The following STXBP5 variants were observed in gnomAD, a reference collection of about 807,000 sequenced individuals.
STXBP5 encodes syntaxin binding protein 5.
In STXBP5, 50 loss-of-function variants were observed where a neutral mutation model predicts 152.4. The observed-to-expected ratio is 0.33, with a 90% CI of 0.26 to 0.42. STXBP5 has a LOEUF of 0.42. Ranked by LOEUF, STXBP5 falls within the 10% of genes least tolerant of loss-of-function variation. The pLI is 1.00. For missense variants in STXBP5, 1,167 were observed against 1,388.6 expected (o/e 0.84, Z 2.54); for synonymous variants, 492 against 494.7 (o/e 0.99, Z 0.07).
chr6:147,304,097 T>C (rs1395471593), intron 9 of STXBP5, among the ~76,000 whole-genome samples: 2 of 152,210 alleles, frequency 1.3e-5, no homozygotes, highest in African/African-American at 4.8e-5. Flanking sequence ...AGCTGAATGT[T>C]AATCAACAAG....
intron 6 of STXBP5, among the ~76,000 whole-genome samples, chr6:147,266,157 T>C (rs1779881971): frequency 6.6e-6 from 1 of 152,082 alleles, no homozygotes; most frequent in African/African-American, 2.4e-5. Flanking sequence ...TGAGTGGCCA[T>C]GGTATGGTAA....
intron 9 of STXBP5, 61 bp from the exon 10 acceptor site, chr6:147,310,023 T>C: frequency 2.6e-6 from 3 of 1,162,432 alleles, no homozygotes; most frequent in Non-Finnish European, 3.5e-6. Context: ...AAAATTATGA[T>C]GTAGCAAGAA....
intron 4 of STXBP5, among the ~76,000 whole-genome samples, chr6:147,253,148 G>A (rs1221555504): frequency 1.3e-5 from 2 of 152,084 alleles, no homozygotes; most frequent in African/African-American, 2.4e-5. Flanking sequence ...ATGCAAGGCC[G>A]ATTCAACATA....
intron 11 of STXBP5, 112 bp downstream of exon 11, chr6:147,311,639 A>C: frequency 1.3e-6 from 1 of 752,904 alleles, no homozygotes; most frequent in South Asian, 1.9e-5. Context: ...TTATATCCAT[A>C]ACCTTGACCT....
intron 2 of STXBP5, among the ~76,000 whole-genome samples, chr6:147,224,330 C>T (rs1461513428): frequency 6.6e-6 from 1 of 152,146 alleles, no homozygotes; most frequent in Non-Finnish European, 1.5e-5. Flanking sequence ...GAGGCTGAGG[C>T]ACTAGAATCA....
chr6:147,241,321 G>T (rs1382557432), intron 4 of STXBP5, among the ~76,000 whole-genome samples: 1 of 152,018 alleles, frequency 6.6e-6, no homozygotes, highest in African/African-American at 2.4e-5. Flanking sequence ...ACATAATAAG[G>T]TTCACTATTT....
chr6:147,359,795 A>AT, intron 23 of STXBP5, among the ~76,000 whole-genome samples: 1 of 151,996 alleles, frequency 6.6e-6, no homozygotes, highest in South Asian at 2.1e-4. Flanking sequence ...TGAACTCATC[A>AT]TTTTTTATGG....
chr6:147,210,851 A>G (rs1421313834), intron 2 of STXBP5, among the ~76,000 whole-genome samples: 1 of 152,192 alleles, frequency 6.6e-6, no homozygotes, highest in Non-Finnish European at 1.5e-5. Context: ...TATTATTAAT[A>G]TGAGAGTTTT....
At chr6:147,211,214 C>G (rs898217574) in intron 2 of STXBP5, among the ~76,000 whole-genome samples, 1 of 150,740 alleles carries the variant, frequency 6.6e-6, no homozygotes, top group Non-Finnish European at 1.5e-5. Flanking sequence ...GAGGCTGAGG[C>G]AGGAGAATCG....
intron 18 of STXBP5, among the ~76,000 whole-genome samples, chr6:147,331,254 G>T (rs974234370): frequency 6.6e-6 from 1 of 152,174 alleles, no homozygotes; most frequent in Admixed American, 6.5e-5. Flanking sequence ...TTTGATGGCA[G>T]AGTAACAACT....
At chr6:147,269,625 G>A (rs1245188364) in intron 7 of STXBP5, among the ~76,000 whole-genome samples, 1 of 151,998 alleles carries the variant, frequency 6.6e-6, no homozygotes, top group Non-Finnish European at 1.5e-5. Flanking sequence ...TGCTTAAGAA[G>A]GTAGATGAAA....
In STXBP5 at chr6:147,384,790, A is replaced by C; in HGVS notation, c.*35A>C. ...TCCAATAAGTCCAACTTCAGCCAGA[A>C]GGAAAAAAGTTTTCCATTTTTATTA... On this transcript the variant is annotated 3_prime_UTR_variant, in exon 28 of 28. Coordinates refer to ENST00000321680, the MANE Select transcript of STXBP5 (RefSeq NM_001127715.4). The C allele has an allele frequency of 6.3e-7, 1 of 1,596,764 alleles. No individual in the cohort carries two copies.
At chr6:147,273,400 A>G (rs939723387) in intron 7 of STXBP5, among the ~76,000 whole-genome samples, 1 of 152,088 alleles carries the variant, frequency 6.6e-6, no homozygotes, top group Admixed American at 6.6e-5. Context: ...TGTAGTAATC[A>G]GTGTGGCAGG....
At chr6:147,337,751 A>C (rs760091285) in intron 19 of STXBP5, among the ~76,000 whole-genome samples, 1 of 152,030 alleles carries the variant, frequency 6.6e-6, no homozygotes, top group East Asian at 1.9e-4. Context: ...AAAAACAACT[A>C]TATGTATTTC....
chr6:147,241,705 T>A (rs1337210073), intron 4 of STXBP5, among the ~76,000 whole-genome samples: 3 of 151,802 alleles, frequency 2.0e-5, no homozygotes, highest in African/African-American at 7.2e-5. Context: ...AGATTAGGGA[T>A]GTTATAGCTG....
At chr6:147,243,340 T>C (rs930111883) in intron 4 of STXBP5, among the ~76,000 whole-genome samples, 7 of 152,224 alleles carry the variant, frequency 4.6e-5, no homozygotes, top group African/African-American at 1.7e-4. Flanking sequence ...TAGTGACACA[T>C]GATATGGGTT....
chr6:147,209,187 G>A (rs1776725501), intron 2 of STXBP5, among the ~76,000 whole-genome samples: 1 of 152,046 alleles, frequency 6.6e-6, no homozygotes, highest in Non-Finnish European at 1.5e-5. Flanking sequence ...GCAGAAAAAT[G>A]GAATTTCAGG....
chr6:147,339,051 T>A (rs1783970094), intron 19 of STXBP5, 128 bp from the exon 20 acceptor site: 1 of 746,616 alleles, frequency 1.3e-6, no homozygotes, highest in Non-Finnish European at 2.2e-6. Context: ...TGGCCTCTTC[T>A]TGTGGTCACT....
At chr6:147,302,230 ACC>A (rs201524026) in intron 9 of STXBP5, among the ~76,000 whole-genome samples, 5,376 of 152,148 alleles carry the variant, frequency 0.035, 147 homozygotes, top group Admixed American at 0.054. Flanking sequence ...CCAGTTCCGA[ACC>A]CTTTAGAGTC....
Sources: gnomAD v4.1 joint callset for allele counts (sites outside exome capture counted in the v4.1 genomes callset) on GRCh38, gnomAD v4.1.1 for gene constraint, MANE v1.5 for transcripts, NCBI Gene and HGNC (gene_info 2026-07-23, HGNC 2026-07-21) for gene names.